Variants in WWOX observed in about 807,000 individuals in gnomAD.
WWOX encodes the protein WW domain containing oxidoreductase.
Under a neutral mutation model 46.2 loss-of-function variants are expected in WWOX, and 69 were observed. The ratio of observed to expected loss-of-function variants is 1.49; its 90% CI spans 1.23 to 1.82. The LOEUF is 1.82. Ranked by LOEUF, WWOX falls within the 40% of genes most tolerant of loss-of-function variation. The pLI, the probability that WWOX is intolerant of heterozygous loss-of-function variation, is 0.00. For missense variants in WWOX, 919 were observed against 542.6 expected, an observed-to-expected ratio of 1.69 and a Z score of -6.89; for synonymous variants, 359 against 202.6, an observed-to-expected ratio of 1.77 and a Z score of -6.56.
intron 8 of WWOX, among the ~76,000 whole-genome samples, chr16:78,538,922 C>G (rs1464830589): frequency 6.6e-6 from 1 of 152,216 alleles, no homozygotes; most frequent in African/African-American, 2.4e-5. Context: ...TCTTCTGTTG[C>G]AATTTCTTCC....
intron 8 of WWOX, among the ~76,000 whole-genome samples, chr16:78,793,273 C>T (rs984371070): frequency 2.6e-5 from 4 of 152,082 alleles, no homozygotes; most frequent in Non-Finnish European, 4.4e-5. Context: ...GTTGCACTGG[C>T]TGGTCTGGAA....
intron 8 of WWOX, among the ~76,000 whole-genome samples, chr16:78,467,759 T>G (rs1204059160): frequency 6.6e-6 from 1 of 152,220 alleles, no homozygotes; most frequent in Non-Finnish European, 1.5e-5. Context: ...AAGCTTGAAT[T>G]AGACATTATA....
At chr16:78,495,041 A>G (rs549089769) in intron 8 of WWOX, among the ~76,000 whole-genome samples, 14 of 151,860 alleles carry the variant, frequency 9.2e-5, no homozygotes, top group African/African-American at 3.4e-4. Context: ...CAAAGTGAGG[A>G]TGTTTCATTG....
At chr16:78,386,769 C>T (rs982774245) in intron 5 of WWOX, 91 bp from the exon 6 acceptor site, 22 of 1,158,070 alleles carry the variant, frequency 1.9e-5, no homozygotes, top group South Asian at 9.9e-5. Context: ...AGGGGAATTC[C>T]GACATGTTCC....
chr16:79,024,671 G>A (rs916243019), intron 8 of WWOX, among the ~76,000 whole-genome samples: 7 of 151,934 alleles, frequency 4.6e-5, no homozygotes, highest in Admixed American at 6.6e-5. Context: ...TCCTGACCTC[G>A]TGATCTGCCC....
At chr16:78,243,726 G>T (rs959067762) in intron 5 of WWOX, among the ~76,000 whole-genome samples, 1 of 152,162 alleles carries the variant, frequency 6.6e-6, no homozygotes, top group South Asian at 2.1e-4. Flanking sequence ...TTTGTATTTT[G>T]CGTAGAGGCA....
At chr16:78,969,267 C>CTT (rs1320260974) in intron 8 of WWOX, among the ~76,000 whole-genome samples, 1 of 131,238 alleles carries the variant, frequency 7.6e-6, no homozygotes, top group Non-Finnish European at 1.7e-5. Context: ...CTCTCTCTCT[C>CTT]TCTTTTTTTT....
intron 8 of WWOX, among the ~76,000 whole-genome samples, chr16:78,542,048 T>TAAAAAAAAAAAAAAAAAAAAAAA (rs1329800001): frequency 1.8e-5 from 1 of 56,218 alleles, no homozygotes; most frequent in African/African-American, 5.3e-5. Context: ...AAAAAAAAAG[T>TAAAAAAAAAAAAAAAAAAAAAAA]AAATTGCACA....
At chr16:78,603,082 T>A (rs1292668705) in intron 8 of WWOX, among the ~76,000 whole-genome samples, 1 of 152,200 alleles carries the variant, frequency 6.6e-6, no homozygotes, top group African/African-American at 2.4e-5. Context: ...AATCAGATGT[T>A]TTATTTGTTT....
At chr16:79,009,593 G>A (rs2047262625) in intron 8 of WWOX, among the ~76,000 whole-genome samples, 2 of 152,108 alleles carry the variant, frequency 1.3e-5, no homozygotes, top group South Asian at 4.1e-4. Context: ...TCAGCCCATA[G>A]GCACATGCCA....
intron 8 of WWOX, among the ~76,000 whole-genome samples, chr16:79,049,236 C>T (rs1391575311): frequency 6.6e-6 from 1 of 152,134 alleles, no homozygotes; most frequent in Non-Finnish European, 1.5e-5. Flanking sequence ...TGGCTGTGTG[C>T]CAATTAAACT....
chr16:78,797,343 T>G (rs2050765198), intron 8 of WWOX, among the ~76,000 whole-genome samples: 1 of 127,164 alleles, frequency 7.9e-6, no homozygotes, highest in Non-Finnish European at 1.6e-5. Context: ...TATGCAATTT[T>G]AAGGGTCAAA....
At chr16:78,685,685 A>G (rs1042555144) in intron 8 of WWOX, among the ~76,000 whole-genome samples, 1 of 152,240 alleles carries the variant, frequency 6.6e-6, no homozygotes, top group Non-Finnish European at 1.5e-5. Context: ...TTGAATGCTT[A>G]GCACAGAACT....
At chr16:78,949,683 G>A (rs144119871) in intron 8 of WWOX, among the ~76,000 whole-genome samples, 80 of 152,300 alleles carry the variant, frequency 5.3e-4, no homozygotes, top group Non-Finnish European at 9.0e-4. Context: ...TGAGGTATAC[G>A]TGTGGCTTCT....
rs142598701 is a variant in WWOX at position 78,970,074 on chromosome 16, A to T, written c.1057-241534A>T. Among the ~76,000 whole-genome samples, 587 of 152,266 alleles carry T rather than the reference A, an allele frequency of 3.9e-3. 6 individuals carry two copies. The highest frequency in any genetic ancestry group is 0.013 in the African/African-American group (538 of 41,552). On this transcript the variant is annotated intron_variant, in intron 8 of 8. Transcript: ENST00000566780. ...TGGGATTCAAGTAGTCTAACGCTCA[A>T]ATTTCCCAAGTGCCCTCATTTAAGT...
intron 8 of WWOX, among the ~76,000 whole-genome samples, chr16:78,562,244 G>C (rs1227855125): frequency 1.3e-5 from 2 of 152,180 alleles, no homozygotes; most frequent in African/African-American, 2.4e-5. Flanking sequence ...CGAGGTTTGG[G>C]AATGCTGCCT....
intron 8 of WWOX, among the ~76,000 whole-genome samples, chr16:78,818,958 C>G (rs895205488): frequency 1.3e-5 from 2 of 152,162 alleles, no homozygotes; most frequent in African/African-American, 4.8e-5. Flanking sequence ...GTTGAATGTT[C>G]CAGGGTAAGC....
intron 8 of WWOX, among the ~76,000 whole-genome samples, chr16:78,705,903 G>A (rs1470252464): frequency 6.6e-6 from 1 of 152,162 alleles, no homozygotes; most frequent in Non-Finnish European, 1.5e-5. Context: ...TGACCTGCTA[G>A]ATATAAGCAT....
At chr16:78,698,305 C>T (rs1375472886) in intron 8 of WWOX, among the ~76,000 whole-genome samples, 1 of 152,212 alleles carries the variant, frequency 6.6e-6, no homozygotes, top group Non-Finnish European at 1.5e-5. Context: ...CATCAGTGTG[C>T]AGACGAAGGG....
Sources: gnomAD v4.1 joint callset for allele counts (sites outside exome capture counted in the v4.1 genomes callset) on GRCh38, gnomAD v4.1.1 for gene constraint, MANE v1.5 for transcripts, NCBI Gene and HGNC (gene_info 2026-07-23, HGNC 2026-07-21) for gene names.